Variants in DNAH6 observed in about 807,000 individuals in gnomAD.
DNAH6 encodes dynein axonemal heavy chain 6.
A neutral mutation model predicts 491.4 loss-of-function variants in DNAH6; 340 were observed. The observed-to-expected ratio is 0.69, with a 90% confidence interval of 0.63 to 0.76. The LOEUF is 0.76. Ranked by LOEUF, DNAH6 falls within the 30% of genes least tolerant of loss-of-function variation. The pLI is 0.00. For missense variants in DNAH6, 4,443 were observed against 4,972.2 expected (o/e 0.89, Z 3.20); for synonymous variants, 1,603 against 1,686.1 (o/e 0.95, Z 1.21).
intron 33 of DNAH6, among the ~76,000 whole-genome samples, chr2:84,647,942 G>C (rs753131632): frequency 1.3e-5 from 2 of 152,038 alleles, no homozygotes; most frequent in Non-Finnish European, 2.9e-5. Context: ...ATAGTTGTTG[G>C]CCCAAGATTC....
chr2:84,727,090 G>T (rs1698707888), intron 60 of DNAH6, among the ~76,000 whole-genome samples: 1 of 152,146 alleles, frequency 6.6e-6, no homozygotes, highest in African/African-American at 2.4e-5. Flanking sequence ...ATAAGCATGA[G>T]CTTACCTTGC....
chr2:84,755,415 A>G (rs899872107), intron 63 of DNAH6, among the ~76,000 whole-genome samples: 5 of 152,162 alleles, frequency 3.3e-5, no homozygotes, highest in African/African-American at 1.2e-4. Context: ...CCCAGTCTCA[A>G]GTATTCTATT....
chr2:84,730,794 G>A (rs1047313347), intron 61 of DNAH6, among the ~76,000 whole-genome samples: 6 of 152,230 alleles, frequency 3.9e-5, no homozygotes, highest in East Asian at 1.9e-4. Flanking sequence ...TAAAATTTGC[G>A]CAGACCAGTG....
chr2:84,518,848 A>G (rs1675859258), intron 2 of DNAH6, among the ~76,000 whole-genome samples: 1 of 152,216 alleles, frequency 6.6e-6, no homozygotes, highest in Non-Finnish European at 1.5e-5. Flanking sequence ...TAGTAATTCT[A>G]AATAAGCAGA....
Position 84,625,048 on chromosome 2 carries a change from T to A in DNAH6, c.4500T>A (p.Asp1500Glu), listed in dbSNP as rs1687730776. Reference protein sequence around the residue: ...AIQCVVFNCSDGLDYKMMGRF... With the variant: ...AIQCVVFNCSEGLDYKMMGRF... Reference sequence around the variant, plus strand: ...AGTGTGTGGTCTTTAACTGTTCAGATGGTTTGGACTACAAGGTACAGTTCT... The same window carrying A: ...AGTGTGTGGTCTTTAACTGTTCAGAAGGTTTGGACTACAAGGTACAGTTCT... The change falls in exon 29 of 77, where the codon GAT becomes GAA. Residue 1500 changes from aspartate to glutamate, a missense_variant. By Grantham distance (45) the Asp-to-Glu change is conservative. Transcript: ENST00000389394. 1 of 1,545,992 alleles carries A rather than the reference T, an allele frequency of 6.5e-7. No individual in the cohort carries two copies. The highest frequency in any genetic ancestry group is 2.0e-5 in the Admixed American group (1 of 49,748).
intron 59 of DNAH6, among the ~76,000 whole-genome samples, chr2:84,720,860 T>C (rs947120234): frequency 2.0e-5 from 3 of 152,216 alleles, no homozygotes; most frequent in Non-Finnish European, 4.4e-5. Context: ...ATGACTGCCA[T>C]CTTTATCTAT....
the DNAH6 span, among the ~76,000 whole-genome samples, chr2:84,484,355 AG>A: frequency 6.6e-6 from 1 of 152,230 alleles, no homozygotes; most frequent in Non-Finnish European, 1.5e-5. Flanking sequence ...TTAGAAGAAT[AG>A]GGTAAAGTGT....
chr2:84,519,340 A>G (rs1238142685), intron 2 of DNAH6, among the ~76,000 whole-genome samples: 1 of 152,122 alleles, frequency 6.6e-6, no homozygotes, highest in East Asian at 1.9e-4. Flanking sequence ...TTGAGGCAGT[A>G]TGTTATATAC....
intron 62 of DNAH6, among the ~76,000 whole-genome samples, chr2:84,742,078 C>T (rs1227639395): frequency 6.6e-6 from 1 of 152,218 alleles, no homozygotes; most frequent in African/African-American, 2.4e-5. Context: ...TCCTAGATTA[C>T]CTGTTTGAAC....
At chr2:84,668,271 TA>T (rs1174989768) in intron 37 of DNAH6, among the ~76,000 whole-genome samples, 2 of 151,970 alleles carry the variant, frequency 1.3e-5, no homozygotes, top group Non-Finnish European at 2.9e-5. Flanking sequence ...TGGATAACAA[TA>T]AAAAAAGAAA....
intron 39 of DNAH6, 54 bp downstream of exon 39, chr2:84,670,529 A>G: frequency 8.3e-7 from 1 of 1,206,996 alleles, no homozygotes; most frequent in East Asian, 2.6e-5. Flanking sequence ...AAGCTAATAA[A>G]TGACATAAAT....
intron 4 of DNAH6, among the ~76,000 whole-genome samples, chr2:84,541,321 C>A (rs1678220493): frequency 2.0e-5 from 3 of 152,186 alleles, no homozygotes; most frequent in African/African-American, 7.2e-5. Flanking sequence ...CATACACTGT[C>A]TTTTAAGCAA....
chr2:84,522,625 T>C (rs986599881), intron 2 of DNAH6, among the ~76,000 whole-genome samples: 3 of 151,972 alleles, frequency 2.0e-5, no homozygotes, highest in Non-Finnish European at 4.4e-5. Flanking sequence ...ATGGCTGTTA[T>C]TTTGAGGTAT....
intron 76 of DNAH6, among the ~76,000 whole-genome samples, chr2:84,818,932 G>T (rs1460138338): frequency 6.6e-6 from 1 of 152,146 alleles, no homozygotes; most frequent in Admixed American, 6.5e-5. Context: ...AATTAGCCAG[G>T]CATGGTGGTA....
chr2:84,622,931 A>C (rs1687531178), intron 26 of DNAH6, among the ~76,000 whole-genome samples: 1 of 151,994 alleles, frequency 6.6e-6, no homozygotes, highest in Non-Finnish European at 1.5e-5. Flanking sequence ...ATGATTAGTG[A>C]TGTTGATCAT....
the DNAH6 span, among the ~76,000 whole-genome samples, chr2:84,486,362 A>T: frequency 6.6e-6 from 1 of 152,272 alleles, no homozygotes; most frequent in African/African-American, 2.4e-5. Context: ...TGCCCAAATA[A>T]ATTTGAAGTC....
chr2:84,742,888 A>C (rs1672651422), intron 62 of DNAH6, among the ~76,000 whole-genome samples: 1 of 152,220 alleles, frequency 6.6e-6, no homozygotes, highest in Admixed American at 6.5e-5. Flanking sequence ...ATTAACCAGA[A>C]TTTCTAAGAT....
At chr2:84,704,365 C>T in intron 51 of DNAH6, 63 bp downstream of exon 51, 1 of 1,220,826 alleles carries the variant, frequency 8.2e-7, no homozygotes, top group East Asian at 2.5e-5. Context: ...TGTTTTCCTC[C>T]ATGGTAATGT....
chr2:84,510,718 G>A, the DNAH6 span, among the ~76,000 whole-genome samples: 1 of 152,012 alleles, frequency 6.6e-6, no homozygotes, highest in African/African-American at 2.4e-5. Context: ...TCTACCTTTG[G>A]TCTTTGATGA....
Sources: gnomAD v4.1 joint callset for allele counts (sites outside exome capture counted in the v4.1 genomes callset) on GRCh38, gnomAD v4.1.1 for gene constraint, MANE v1.5 for transcripts, NCBI Gene and HGNC (gene_info 2026-07-23, HGNC 2026-07-21) for gene names.